Variants in STARD9 observed in about 807,000 individuals in gnomAD.
The protein encoded by STARD9 is stAR-related lipid transfer protein 9.
STARD9 carries 346 observed loss-of-function variants against 399.8 expected under a neutral mutation model. The observed-to-expected ratio is 0.87, with a 90% CI of 0.79 to 0.95. The LOEUF is 0.95. Ranked by LOEUF, STARD9 falls within the 40% of genes least tolerant of loss-of-function variation. The pLI is 0.00. For synonymous variants in STARD9, 2,203 were observed against 2,143.5 expected (o/e 1.03, Z -0.77); for missense variants, 5,832 against 5,667.5 (o/e 1.03, Z -0.93).
At position 42,575,782 on chromosome 15, in the gene STARD9, G is replaced by A. The variant is rs2058039993; in HGVS notation, c.47+20G>A. On this transcript the variant is annotated intron_variant, in intron 1 of 32. Coordinates refer to ENST00000290607, the MANE Select transcript of STARD9 (RefSeq NM_020759.3). Reference sequence around the variant, plus strand: ...CAAGAGGTGAGTCTCCGCGGGAGAGGGCGCCTGAGGCTTCACAGGAGCTGA... The same window carrying A: ...CAAGAGGTGAGTCTCCGCGGGAGAGAGCGCCTGAGGCTTCACAGGAGCTGA... 15 of 1,536,596 alleles carry A rather than the reference G, an allele frequency of 9.8e-6. No homozygotes were observed. Among genetic ancestry groups the A allele is most frequent in the Non-Finnish European group, 1.3e-5 (15 of 1,146,468 alleles).
intron 3 of STARD9, among the ~76,000 whole-genome samples, chr15:42,605,163 A>G (rs2058703071): frequency 6.6e-6 from 1 of 152,184 alleles, no homozygotes; most frequent in Admixed American, 6.6e-5. Context: ...TTAATCTTAT[A>G]ATAAAATAGA....
chr15:42,584,760 C>T (rs535656710), intron 2 of STARD9, among the ~76,000 whole-genome samples: 3 of 152,296 alleles, frequency 2.0e-5, no homozygotes, highest in African/African-American at 7.2e-5. Flanking sequence ...TTGAATATTC[C>T]AGGAACCTCA....
At chr15:42,703,423 G>A (rs2061009081) in intron 26 of STARD9, among the ~76,000 whole-genome samples, 1 of 150,958 alleles carries the variant, frequency 6.6e-6, no homozygotes, top group African/African-American at 2.4e-5. Context: ...GAGTGCAGTG[G>A]CACAATCCCT....
chr15:42,683,712 T>A (rs2060483499), intron 22 of STARD9, among the ~76,000 whole-genome samples: 1 of 152,206 alleles, frequency 6.6e-6, no homozygotes, highest in Admixed American at 6.5e-5. Context: ...TTTTAATCAT[T>A]CTTCTTGTTT....
intron 3 of STARD9, among the ~76,000 whole-genome samples, chr15:42,633,475 C>T (rs1008675965): frequency 5.9e-5 from 9 of 152,132 alleles, no homozygotes; most frequent in Non-Finnish European, 8.8e-5. Context: ...CTGATTTGAG[C>T]ACACACTTGG....
chr15:42,611,642 C>T (rs2058851990), intron 3 of STARD9, among the ~76,000 whole-genome samples: 1 of 152,218 alleles, frequency 6.6e-6, no homozygotes, highest in Non-Finnish European at 1.5e-5. Flanking sequence ...AGACTGCTAA[C>T]ATGTCCACTT....
At chr15:42,710,890 G>T (rs2061201438) in intron 26 of STARD9, among the ~76,000 whole-genome samples, 1 of 133,712 alleles carries the variant, frequency 7.5e-6, no homozygotes, top group Non-Finnish European at 1.6e-5. Context: ...TCACTTGTGC[G>T]CTCTCTCTCT....
In STARD9 at chr15:42,691,937, G is replaced by A. The variant is rs1231524412; in HGVS notation, c.10359G>A (p.Gln3453=). Residue 3453 remains glutamine, a synonymous_variant, in exon 23 of 33, where the codon CAG becomes CAA. Transcript: ENST00000290607. ...VQVRPENWCS[Q]MDKGMLHFGS... Reference sequence around the variant, plus strand: ...TTAGGCCAGAAAATTGGTGCTCTCAGATGGACAAAGGAATGCTGCACTTTG... The same window carrying A: ...TTAGGCCAGAAAATTGGTGCTCTCAAATGGACAAAGGAATGCTGCACTTTG... The A allele has an allele frequency of 3.3e-6, 5 of 1,537,298 alleles. No individual in the cohort carries two copies. In the East Asian group the frequency reaches 7.3e-5, roughly 23 times the overall value.
intron 20 of STARD9, 111 bp from the exon 21 acceptor site, chr15:42,681,311 C>G (rs1016380263): frequency 2.6e-6 from 3 of 1,153,464 alleles, no homozygotes; most frequent in Admixed American, 5.7e-5. Flanking sequence ...CCAAAGCACT[C>G]TCTACCCTGT....
At chr15:42,625,924 A>G (rs2059197512) in intron 3 of STARD9, among the ~76,000 whole-genome samples, 1 of 151,746 alleles carries the variant, frequency 6.6e-6, no homozygotes, top group South Asian at 2.1e-4. Context: ...TTATTATTTT[A>G]TTTATTTATC....
rs766359769 is a variant in STARD9 at position 42,718,521 on chromosome 15, G to T, written c.13842+7G>T. ...CTGCGTGGAAGCCAAAGAGGTGCCT[G>T]CCTTGGTGGTAAAGATGTTGTGGGA... is the stretch of plus-strand genomic sequence containing the variant. On this transcript the variant is annotated splice_region_variant and intron_variant, in intron 31 of 32. Coordinates refer to ENST00000290607, the MANE Select transcript of STARD9 (RefSeq NM_020759.3). 2.6e-5 allele frequency: 40 copies of T among 1,536,676 alleles called. No homozygotes were observed. In the Admixed American group the frequency reaches 4.9e-4, roughly 19 times the overall value.
chr15:42,685,414 C>T lies in STARD9; in HGVS notation c.3836C>T (p.Pro1279Leu). 1 of 1,534,480 alleles carries T rather than the reference C, an allele frequency of 6.5e-7. No individual in the cohort carries two copies. Among genetic ancestry groups the T allele is most frequent in the Non-Finnish European group, 8.7e-7 (1 of 1,145,154 alleles). ...LPMSSSFYLD[P>L]QFQPHCELQP... ...ATGAGCAGTTCGTTTTACCTTGATC[C>T]TCAGTTCCAACCCCATTGTGAGCTC... Residue 1279 changes from proline (P) to leucine (L), a missense_variant, in exon 23 of 33, where the codon CCT (proline) becomes CTT (leucine). Coordinates refer to ENST00000290607, the MANE Select transcript of STARD9 (RefSeq NM_020759.3).
intron 26 of STARD9, among the ~76,000 whole-genome samples, chr15:42,711,861 T>C (rs553674710): frequency 6.1e-4 from 92 of 149,922 alleles, no homozygotes; most frequent in African/African-American, 2.0e-3. Context: ...TGCAGGATCA[T>C]AGAGGAACTG....
In STARD9 at chr15:42,663,427, T is replaced by C; in HGVS notation, c.1015T>C (p.Ser339Pro). The change falls in exon 12 of 33, where the codon TCT (serine) becomes CCT (proline). Residue 339 changes from serine to proline, a missense_variant. Physicochemically the swap from Ser to Pro is moderately conservative, Grantham distance 74. Coordinates refer to ENST00000290607, the MANE Select transcript of STARD9 (RefSeq NM_020759.3). ...RRQSYIPYRD[S>P]VLTWLLKDSL... is the part of the protein sequence containing the mutation. ...GCAGTCTTATATCCCATACCGAGAC[T>C]CTGTGTTGACCTGGCTGCTGAAGGA... is the stretch of plus-strand genomic sequence containing the variant. 6.5e-7 allele frequency: 1 copy of C among 1,536,782 alleles called. No individual in the cohort carries two copies. Among genetic ancestry groups the C allele is most frequent in the Non-Finnish European group, 8.7e-7 (1 of 1,146,444 alleles).
chr15:42,665,859 T>C lies in STARD9; in HGVS notation c.1317+11T>C, dbSNP rs1443050891. 1 of 1,536,648 alleles carries C rather than the reference T, an allele frequency of 6.5e-7. No individual in the cohort carries two copies. The highest frequency in any genetic ancestry group is 8.7e-7 in the Non-Finnish European group (1 of 1,146,510). ...CAAAATGAATTGAAGGTGGGTGTGTTGGGTGGACTCAGTTGTTCTTTACAT... is the reference window on the plus strand; with the variant it reads ...CAAAATGAATTGAAGGTGGGTGTGTCGGGTGGACTCAGTTGTTCTTTACAT... On this transcript the variant is annotated intron_variant, in intron 15 of 32. Coordinates refer to ENST00000290607, the MANE Select transcript of STARD9 (RefSeq NM_020759.3).
At chr15:42,649,542 G>C (rs908331885) in intron 7 of STARD9, among the ~76,000 whole-genome samples, 4 of 150,890 alleles carry the variant, frequency 2.7e-5, no homozygotes, top group African/African-American at 9.7e-5. Flanking sequence ...TAAACTCCTT[G>C]AAAATATTAA....
At chr15:42,611,464 G>T (rs550502580) in intron 3 of STARD9, among the ~76,000 whole-genome samples, 1 of 152,286 alleles carries the variant, frequency 6.6e-6, no homozygotes, top group Admixed American at 6.5e-5. Context: ...CCTTCTTTTG[G>T]ATCTTTAGTC....
At chr15:42,674,786 G>A in intron 17 of STARD9, 41 bp from the exon 18 acceptor site, 5 of 1,491,494 alleles carry the variant, frequency 3.4e-6, no homozygotes, top group Non-Finnish European at 4.4e-6. Context: ...GTGTTTCCCT[G>A]CATCGTCCTC....
rs936516090 is a variant in STARD9 at position 42,708,051 on chromosome 15, G to A, written c.13285-8626G>A. On this transcript the variant is annotated intron_variant, in intron 26 of 32. Transcript: ENST00000290607. The stretch of plus-strand genomic sequence containing the variant: ...ACCTGTAGTCCTAGCTACTCAGGAG[G>A]CTGTGGTGGGAGGATTGCTTGAGCC... Among the ~76,000 whole-genome samples, 131 of 152,002 alleles carry A rather than the reference G, an allele frequency of 8.6e-4. 2 individuals are homozygous for A. The highest frequency in any genetic ancestry group is 3.1e-3 in the African/African-American group (127 of 41,472).
Sources: gnomAD v4.1 joint callset for allele counts (sites outside exome capture counted in the v4.1 genomes callset) on GRCh38, gnomAD v4.1.1 for gene constraint, MANE v1.5 for transcripts, NCBI Gene and HGNC (gene_info 2026-07-23, HGNC 2026-07-21) for gene names.